The following TMEM108 variants were observed in gnomAD, a reference collection of about 807,000 sequenced individuals.
The protein encoded by TMEM108 is transmembrane protein 108.
A neutral mutation model predicts 35.1 loss-of-function variants in TMEM108; 12 were observed. The ratio of observed to expected loss-of-function variants is 0.34; its 90% CI spans 0.22 to 0.55. TMEM108 has a LOEUF of 0.55. TMEM108 is among the 20% of genes least tolerant of loss of function. TMEM108 has a pLI of 0.89. For synonymous variants in TMEM108, 287 were observed against 308.6 expected (o/e 0.93, Z 0.73); for missense variants, 680 against 753.3 (o/e 0.90, Z 1.14).
chr3:133,156,037 C>T (rs1243959114), intron 2 of TMEM108, among the ~76,000 whole-genome samples: 1 of 128,106 alleles, frequency 7.8e-6, no homozygotes, highest in Non-Finnish European at 1.8e-5. Context: ...GGTGAGGGTC[C>T]AGTTTCAATC....
chr3:133,219,862 C>T (rs955849736), intron 2 of TMEM108, among the ~76,000 whole-genome samples: 3 of 152,026 alleles, frequency 2.0e-5, no homozygotes, highest in African/African-American at 7.2e-5. Context: ...TAGTTTAAGT[C>T]AATGTTTCTT....
At chr3:133,187,231 T>G (rs554679582) in intron 2 of TMEM108, among the ~76,000 whole-genome samples, 23 of 152,346 alleles carry the variant, frequency 1.5e-4, no homozygotes, top group Non-Finnish European at 2.5e-4. Flanking sequence ...ATATGTAAAC[T>G]AGAAGGAGAG....
chr3:133,183,721 G>A (rs922496067), intron 2 of TMEM108, among the ~76,000 whole-genome samples: 2 of 152,164 alleles, frequency 1.3e-5, no homozygotes, highest in Admixed American at 1.3e-4. Context: ...CAGGGAGTGG[G>A]CAGGAACCTG....
At chr3:133,165,204 G>A (rs1945019407) in intron 2 of TMEM108, among the ~76,000 whole-genome samples, 1 of 152,182 alleles carries the variant, frequency 6.6e-6, no homozygotes. Context: ...GAGCAGAGTG[G>A]CTGTAAGGCA....
At chr3:133,258,090 C>T (rs897691759) in intron 3 of TMEM108, among the ~76,000 whole-genome samples, 3 of 152,040 alleles carry the variant, frequency 2.0e-5, no homozygotes, top group Non-Finnish European at 2.9e-5. Context: ...GGAGGTGGGG[C>T]CTTTGGGAGG....
At chr3:133,170,264 G>T (rs113221319) in intron 2 of TMEM108, among the ~76,000 whole-genome samples, 2 of 152,068 alleles carry the variant, frequency 1.3e-5, no homozygotes, top group Non-Finnish European at 2.9e-5. Context: ...CATTGTCCAC[G>T]TATGCAAACA....
chr3:133,301,572 C>T (rs903414748), intron 3 of TMEM108, among the ~76,000 whole-genome samples: 2 of 152,050 alleles, frequency 1.3e-5, no homozygotes, highest in Admixed American at 6.6e-5. Context: ...TTACAAGCAC[C>T]GGCTAGCTCA....
intron 2 of TMEM108, among the ~76,000 whole-genome samples, chr3:133,181,714 G>A (rs191920652): frequency 2.3e-4 from 35 of 152,242 alleles, no homozygotes; most frequent in African/African-American, 7.5e-4. Context: ...AGATTCAGAA[G>A]CACAAATTTT....
chr3:133,096,671 CA>C (rs1273665705), intron 2 of TMEM108, among the ~76,000 whole-genome samples: 1 of 152,182 alleles, frequency 6.6e-6, no homozygotes, highest in Non-Finnish European at 1.5e-5. Context: ...TGGTAAAGAG[CA>C]AAGCCGATTC....
chr3:133,226,020 G>C (rs2107649742), intron 2 of TMEM108, among the ~76,000 whole-genome samples: 1 of 152,260 alleles, frequency 6.6e-6, no homozygotes, highest in African/African-American at 2.4e-5. Flanking sequence ...ATACATGTGA[G>C]GTATACATTG....
intron 2 of TMEM108, among the ~76,000 whole-genome samples, chr3:133,066,075 T>C (rs185484449): frequency 1.3e-5 from 2 of 152,298 alleles, no homozygotes; most frequent in East Asian, 3.9e-4. Context: ...ATTACTTTAC[T>C]ATATTTGGTG....
In TMEM108 at chr3:133,379,924, T is replaced by C; in HGVS notation, c.213T>C (p.Asp71=). ...TSVVMLTPNP[D]GPPSQAAAPM... is the part of the protein sequence containing the mutation. The stretch of plus-strand genomic sequence containing the variant: ...TGGTGATGCTGACCCCCAATCCCGA[T>C]GGACCCCCCTCACAGGCTGCAGCTC... The change falls in exon 4 of 6, where the codon GAT becomes GAC. Residue 71 remains aspartate, a synonymous_variant. Coordinates refer to ENST00000321871, the MANE Select transcript of TMEM108 (RefSeq NM_023943.4). 2 of 1,613,578 alleles carry C rather than the reference T, an allele frequency of 1.2e-6. No homozygotes were observed. Among genetic ancestry groups the C allele is most frequent in the African/African-American group, 1.3e-5 (1 of 74,844 alleles).
At chr3:133,211,456 A>G (rs1945832872) in intron 2 of TMEM108, among the ~76,000 whole-genome samples, 1 of 152,240 alleles carries the variant, frequency 6.6e-6, no homozygotes, top group Admixed American at 6.5e-5. Flanking sequence ...AGTCAAAATG[A>G]TAGAACATGC....
intron 2 of TMEM108, among the ~76,000 whole-genome samples, chr3:133,149,592 A>G (rs568555207): frequency 1.8e-4 from 27 of 152,272 alleles, no homozygotes; most frequent in African/African-American, 6.0e-4. Context: ...GAGATCATAC[A>G]GTATTTTTCT....
intron 2 of TMEM108, among the ~76,000 whole-genome samples, chr3:133,171,043 T>A (rs1326212648): frequency 6.6e-6 from 1 of 152,218 alleles, no homozygotes; most frequent in Admixed American, 6.5e-5. Context: ...TTCATTGTTT[T>A]ATTTACTCAT....
chr3:133,237,407 C>T (rs1946254446), intron 3 of TMEM108, among the ~76,000 whole-genome samples: 1 of 97,458 alleles, frequency 1.0e-5, no homozygotes, highest in African/African-American at 3.0e-5. Context: ...TATGTTCTTT[C>T]TGGACCATTT....
intron 3 of TMEM108, among the ~76,000 whole-genome samples, chr3:133,378,803 CT>C (rs34139600): frequency 0.35 from 46,807 of 134,346 alleles, 8,091 homozygotes; most frequent in East Asian, 0.43. Context: ...ATACAAAATC[CT>C]TTTTTTTTTT....
At chr3:133,273,833 A>G (rs960447819) in intron 3 of TMEM108, among the ~76,000 whole-genome samples, 1 of 152,192 alleles carries the variant, frequency 6.6e-6, no homozygotes, top group African/African-American at 2.4e-5. Context: ...GGAGAGATGG[A>G]CGACTCACTA....
intron 3 of TMEM108, among the ~76,000 whole-genome samples, chr3:133,294,343 T>C (rs1559895061): frequency 6.6e-6 from 1 of 152,172 alleles, no homozygotes. Flanking sequence ...CATTTTTGTG[T>C]TATTTACTTT....
Sources: allele counts gnomAD v4.1 joint callset (sites outside exome capture counted in the v4.1 genomes callset), GRCh38; gene constraint gnomAD v4.1.1; transcripts MANE v1.5; gene names NCBI Gene and HGNC (gene_info 2026-07-23, HGNC 2026-07-21).